The following VCAN variants were observed in gnomAD, a reference collection of about 807,000 sequenced individuals.
VCAN encodes the protein versican, also known as versican core protein.
Under a neutral mutation model 245.5 loss-of-function variants are expected in VCAN, and 44 were observed. The observed-to-expected ratio is 0.18, with a 90% CI of 0.14 to 0.23. The LOEUF (loss-of-function observed/expected upper bound fraction) is 0.23, where lower values mean the gene tolerates loss of function less well. Among genes scored for constraint, VCAN ranks in the 10% least tolerant of loss-of-function variants. VCAN has a pLI of 1.00. For missense variants in VCAN, 3,793 were observed against 4,057.9 expected (o/e 0.93, Z 1.77); for synonymous variants, 1,413 against 1,437.0 (o/e 0.98, Z 0.38).
intron 2 of VCAN, 118 bp downstream of exon 2, chr5:83,483,706 C>G (rs1386592886): frequency 1.1e-6 from 1 of 948,038 alleles, no homozygotes; most frequent in South Asian, 1.4e-5. Flanking sequence ...CTATTAAGTG[C>G]TGAAAACTAT....
intron 14 of VCAN, 45 bp from the exon 15 acceptor site, chr5:83,580,262 G>A (rs1398348879): frequency 1.1e-5 from 17 of 1,613,730 alleles, no homozygotes; most frequent in Admixed American, 1.7e-5. Context: ...TATGGAGCAA[G>A]TAATATTGTG....
chr5:83,490,046 T>A (rs1193500786), intron 2 of VCAN, 52 bp from the exon 3 acceptor site: 1 of 1,606,168 alleles, frequency 6.2e-7, no homozygotes, highest in African/African-American at 1.3e-5. Context: ...ATTGAATAGA[T>A]TAAGTTTGGG....
At chr5:83,491,663 A>G (rs1243610142) in intron 3 of VCAN, among the ~76,000 whole-genome samples, 1 of 152,148 alleles carries the variant, frequency 6.6e-6, no homozygotes, top group Admixed American at 6.5e-5. Context: ...AAGAATTAGC[A>G]ATGGATTTGC....
rs546253854 is a variant in VCAN, at chr5:83,491,354, A to G, written c.445+882A>G. On this transcript the variant is annotated intron_variant, in intron 3 of 14. Coordinates refer to ENST00000265077, the MANE Select transcript of VCAN (RefSeq NM_004385.5). ...AAATATTTACCTTTCAGAAATATAT[A>G]CAAAGGGTTTTATTAAAAGTCTTTC... Among the ~76,000 whole-genome samples, 5 of 152,334 alleles carry G rather than the reference A, an allele frequency of 3.3e-5. No homozygotes were observed. The South Asian group carries it at 8.3e-4, about 25-fold the overall frequency.
chr5:83,571,148 C>T (rs1298798328), intron 12 of VCAN, among the ~76,000 whole-genome samples: 1 of 152,100 alleles, frequency 6.6e-6, no homozygotes, highest in Non-Finnish European at 1.5e-5. Context: ...AAGTGATGCT[C>T]AAATTGACCC....
chr5:83,511,075 C>T (rs906979972), intron 5 of VCAN, among the ~76,000 whole-genome samples: 3 of 151,522 alleles, frequency 2.0e-5, no homozygotes, highest in Admixed American at 6.6e-5. Flanking sequence ...GATCGTGCCA[C>T]TGCACTGCAG....
At chr5:83,479,031 G>T (rs1744520843) in intron 1 of VCAN, among the ~76,000 whole-genome samples, 1 of 152,116 alleles carries the variant, frequency 6.6e-6, no homozygotes, top group Admixed American at 6.5e-5. Context: ...CCAAGTCCAG[G>T]TTCAGGAATT....
chr5:83,510,766 A>G (rs1745627087), intron 5 of VCAN, among the ~76,000 whole-genome samples: 1 of 152,228 alleles, frequency 6.6e-6, no homozygotes, highest in Admixed American at 6.5e-5. Flanking sequence ...ATGATAATGA[A>G]TATACCCTCT....
intron 5 of VCAN, among the ~76,000 whole-genome samples, chr5:83,494,856 G>C (rs560659873): frequency 6.6e-6 from 1 of 152,202 alleles, no homozygotes; most frequent in Admixed American, 6.5e-5. Flanking sequence ...GGAAGTGAGA[G>C]AAGTGTGGGG....
At chr5:83,533,948 G>A (rs773028836) in intron 7 of VCAN, among the ~76,000 whole-genome samples, 4 of 152,106 alleles carry the variant, frequency 2.6e-5, no homozygotes, top group Non-Finnish European at 5.9e-5. Context: ...TTCTTAATAT[G>A]AGTTGATAGT....
chr5:83,545,875 GTCT>G (rs1006339385), intron 9 of VCAN, among the ~76,000 whole-genome samples: 1 of 152,140 alleles, frequency 6.6e-6, no homozygotes, highest in African/African-American at 2.4e-5. Flanking sequence ...GGCCTGCTGA[GTCT>G]TCTTGTGTTT....
At chr5:83,513,326 C>T (rs1259488446) in intron 6 of VCAN, among the ~76,000 whole-genome samples, 1 of 152,124 alleles carries the variant, frequency 6.6e-6, no homozygotes, top group African/African-American at 2.4e-5. Flanking sequence ...GACTAAATTT[C>T]CAATGTATCT....
Position 83,580,410 on chromosome 5 carries a change from G to C in VCAN, c.10167G>C (p.Arg3389=), listed in dbSNP as rs776391401. Residue 3389 remains arginine (R), a synonymous_variant, in exon 15 of 15, where the codon CGG becomes CGC. Coordinates refer to ENST00000265077, the MANE Select transcript of VCAN (RefSeq NM_004385.5). ...CCAAACATGATCATCGTTGGAGCCG[G>C]AGGTGGCAGGAGTCGAGGCGCTGAT... ...NTSKHDHRWS[R]RWQESRR 1 of 1,613,830 alleles carries C rather than the reference G, an allele frequency of 6.2e-7. No homozygotes were observed. Among genetic ancestry groups the C allele is most frequent in the Non-Finnish European group, 8.5e-7 (1 of 1,179,916 alleles).
At chr5:83,478,419 T>C (rs1265703974) in intron 1 of VCAN, among the ~76,000 whole-genome samples, 1 of 152,208 alleles carries the variant, frequency 6.6e-6, no homozygotes, top group Non-Finnish European at 1.5e-5. Context: ...ATATACTCTT[T>C]GATTCAGCAA....
chr5:83,545,129 T>C (rs1192593611), intron 8 of VCAN: 1 of 249,582 alleles, frequency 4.0e-6, no homozygotes. Flanking sequence ...AAAGAATGCA[T>C]GTTCTGTGTA....
rs144927570 is a variant in VCAN, at chr5:83,544,011, A to G, written c.9266-1526A>G. On this transcript the variant is annotated intron_variant, in intron 8 of 14. Coordinates refer to ENST00000265077, the MANE Select transcript of VCAN (RefSeq NM_004385.5). ...TCAGTCCTTGTTTCATGGTCTCAGCATGGTGTCTAGTGTCAGTGGTAGGAA... is the reference window on the plus strand; with the variant it reads ...TCAGTCCTTGTTTCATGGTCTCAGCGTGGTGTCTAGTGTCAGTGGTAGGAA... Among the ~76,000 whole-genome samples, 827 of 152,316 alleles carry G rather than the reference A, an allele frequency of 5.4e-3. 8 individuals are homozygous for G. The highest frequency in any genetic ancestry group is 0.019 in the African/African-American group (792 of 41,568).
chr5:83,544,065 G>A (rs539784921), intron 8 of VCAN, among the ~76,000 whole-genome samples: 1 of 152,330 alleles, frequency 6.6e-6, no homozygotes, highest in South Asian at 2.1e-4. Context: ...ACATTTGTGT[G>A]GCACATCACA....
intron 5 of VCAN, among the ~76,000 whole-genome samples, chr5:83,511,417 A>C (rs1745652430): frequency 6.6e-6 from 1 of 152,038 alleles, no homozygotes; most frequent in Admixed American, 6.6e-5. Context: ...GAGGCGACCT[A>C]GGCCTTCCCT....
chr5:83,504,452 A>G (rs1314714502), intron 5 of VCAN, among the ~76,000 whole-genome samples: 1 of 148,632 alleles, frequency 6.7e-6, no homozygotes, highest in Non-Finnish European at 1.5e-5. Flanking sequence ...GCATGATCTC[A>G]GCTCACTGCA....
Sources: allele counts gnomAD v4.1 joint callset (sites outside exome capture counted in the v4.1 genomes callset), GRCh38; gene constraint gnomAD v4.1.1; transcripts MANE v1.5; gene names NCBI Gene and HGNC (gene_info 2026-07-23, HGNC 2026-07-21).